The following NKAIN2 variants were observed in gnomAD, a reference collection of about 807,000 sequenced individuals.
NKAIN2 encodes sodium/potassium-transporting ATPase subunit beta-1-interacting protein 2.
Under a neutral mutation model 32.6 loss-of-function variants are expected in NKAIN2, and 14 were observed. The ratio of observed to expected loss-of-function variants is 0.43; its 90% CI spans 0.28 to 0.67. NKAIN2 has a LOEUF of 0.67. NKAIN2 is among the 30% of genes least tolerant of loss of function. NKAIN2 has a pLI of 0.17. For missense variants in NKAIN2, 198 were observed against 258.3 expected, an observed-to-expected ratio of 0.77 and a Z score of 1.60; for synonymous variants, 80 against 87.2, an observed-to-expected ratio of 0.92 and a Z score of 0.46.
intron 1 of NKAIN2, among the ~76,000 whole-genome samples, chr6:124,069,858 C>G (rs1014238256): frequency 6.6e-6 from 1 of 152,162 alleles, no homozygotes; most frequent in Admixed American, 6.6e-5. Context: ...TCCAGATGGT[C>G]TCTTATAAAG....
At chr6:124,531,318 C>A (rs1779516775) in intron 3 of NKAIN2, among the ~76,000 whole-genome samples, 1 of 152,164 alleles carries the variant, frequency 6.6e-6, no homozygotes, top group Non-Finnish European at 1.5e-5. Flanking sequence ...TAGACCTTTT[C>A]TAACCAAAAC....
intron 4 of NKAIN2, among the ~76,000 whole-genome samples, chr6:124,751,272 C>T (rs531652185): frequency 6.6e-6 from 1 of 152,032 alleles, no homozygotes; most frequent in Admixed American, 6.6e-5. Flanking sequence ...GAAAGACATT[C>T]CTTAGTTGTA....
intron 1 of NKAIN2, among the ~76,000 whole-genome samples, chr6:123,821,002 C>A (rs1426872899): frequency 2.6e-5 from 4 of 152,172 alleles, no homozygotes; most frequent in Non-Finnish European, 5.9e-5. Flanking sequence ...AGCTGTTTCA[C>A]AATGAATTGG....
chr6:124,194,044 G>A (rs577335940), intron 1 of NKAIN2, among the ~76,000 whole-genome samples: 2 of 152,220 alleles, frequency 1.3e-5, no homozygotes, highest in African/African-American at 4.8e-5. Flanking sequence ...GTCTGAATGA[G>A]TCTGGGGCTT....
chr6:124,351,003 A>G (rs545707871), intron 2 of NKAIN2, among the ~76,000 whole-genome samples: 66 of 152,314 alleles, frequency 4.3e-4, no homozygotes, highest in Non-Finnish European at 7.8e-4. Context: ...AAGTAAATAA[A>G]TAAATAAAAA....
intron 4 of NKAIN2, among the ~76,000 whole-genome samples, chr6:124,731,913 G>A (rs992381957): frequency 3.3e-5 from 5 of 152,030 alleles, no homozygotes; most frequent in Non-Finnish European, 5.9e-5. Flanking sequence ...TAAAGTCCCA[G>A]TTAAATGTCC....
intron 3 of NKAIN2, among the ~76,000 whole-genome samples, chr6:124,657,620 G>A (rs1157845265): frequency 6.6e-6 from 1 of 151,998 alleles, no homozygotes; most frequent in African/African-American, 2.4e-5. Flanking sequence ...TGATAAGATT[G>A]AAGAGACACT....
In NKAIN2 at chr6:124,224,052, ATC is replaced by A. The variant is rs1314137254; in HGVS notation, c.55-58948_55-58947del. Among the ~76,000 whole-genome samples the A allele has an allele frequency of 6.6e-5, 10 of 152,262 alleles. No homozygotes were observed. In the South Asian group the frequency reaches 2.1e-3, roughly 32 times the overall value. ...AAGTTTGTTTTTAATTGATATTACA[ATC>A]TCTCAGAGTCAAGAACAAGATGACA... On this transcript the variant is annotated intron_variant, in intron 1 of 6. Transcript: ENST00000368417.
intron 1 of NKAIN2, among the ~76,000 whole-genome samples, chr6:124,234,322 C>G (rs1423041484): frequency 2.0e-5 from 3 of 152,094 alleles, no homozygotes; most frequent in African/African-American, 7.2e-5. Context: ...TCAACATAAA[C>G]TTTATGAATA....
At chr6:124,226,140 T>A (rs1792094640) in intron 1 of NKAIN2, among the ~76,000 whole-genome samples, 1 of 151,754 alleles carries the variant, frequency 6.6e-6, no homozygotes, top group African/African-American at 2.4e-5. Context: ...AGCTTGGAAA[T>A]AGTCTTTAAT....
At chr6:124,492,522 T>C (rs1006206880) in intron 3 of NKAIN2, among the ~76,000 whole-genome samples, 4 of 151,852 alleles carry the variant, frequency 2.6e-5, no homozygotes, top group Non-Finnish European at 2.9e-5. Flanking sequence ...TAGTGTCTCT[T>C]AGATAATGGT....
intron 1 of NKAIN2, among the ~76,000 whole-genome samples, chr6:124,039,849 T>C (rs931268768): frequency 6.6e-6 from 1 of 152,004 alleles, no homozygotes; most frequent in Non-Finnish European, 1.5e-5. Context: ...GCGGTGACTA[T>C]TGGTTCCAAA....
intron 3 of NKAIN2, among the ~76,000 whole-genome samples, chr6:124,606,480 A>G (rs563854258): frequency 1.3e-5 from 2 of 152,172 alleles, no homozygotes; most frequent in Admixed American, 6.6e-5. Flanking sequence ...CAATTGGTAA[A>G]GGAGTTTTGC....
intron 1 of NKAIN2, among the ~76,000 whole-genome samples, chr6:124,133,327 G>C (rs1786572082): frequency 6.6e-6 from 1 of 152,152 alleles, no homozygotes; most frequent in Non-Finnish European, 1.5e-5. Flanking sequence ...CTGAATACCT[G>C]AAACACTAGG....
intron 1 of NKAIN2, among the ~76,000 whole-genome samples, chr6:124,047,183 G>A (rs1782179784): frequency 6.6e-6 from 1 of 151,922 alleles, no homozygotes; most frequent in South Asian, 2.1e-4. Flanking sequence ...TTTGTGAGGT[G>A]GAAGGTCTTT....
chr6:124,218,967 G>A (rs1791638293), intron 1 of NKAIN2, among the ~76,000 whole-genome samples: 1 of 152,194 alleles, frequency 6.6e-6, no homozygotes, highest in Non-Finnish European at 1.5e-5. Flanking sequence ...TGAAAGAGAA[G>A]CAAGGCACCT....
chr6:124,737,235 G>A (rs760553582), intron 4 of NKAIN2, among the ~76,000 whole-genome samples: 18 of 151,838 alleles, frequency 1.2e-4, no homozygotes, highest in Non-Finnish European at 2.1e-4. Flanking sequence ...TGCGGCGGGA[G>A]CTAATTGAAT....
chr6:123,811,394 G>A (rs954290608), intron 1 of NKAIN2, among the ~76,000 whole-genome samples: 18 of 145,248 alleles, frequency 1.2e-4, no homozygotes, highest in African/African-American at 4.5e-4. Context: ...CACTCATTAG[G>A]GTAAGCACAG....
intron 5 of NKAIN2, among the ~76,000 whole-genome samples, chr6:124,811,580 C>G (rs188192141): frequency 1.3e-5 from 2 of 152,174 alleles, no homozygotes; most frequent in Admixed American, 1.3e-4. Flanking sequence ...ATTGATATGG[C>G]ACTTGACTAA....
Sources: allele counts gnomAD v4.1 joint callset (sites outside exome capture counted in the v4.1 genomes callset), GRCh38; gene constraint gnomAD v4.1.1; transcripts MANE v1.5; gene names NCBI Gene and HGNC (gene_info 2026-07-23, HGNC 2026-07-21).